RABGAP1L: variants seen among roughly 807,000 people sequenced by gnomAD.
RABGAP1L encodes the protein rab GTPase-activating protein 1-like.
A neutral mutation model predicts 137.7 loss-of-function variants in RABGAP1L; 63 were observed. The ratio of observed to expected loss-of-function variants is 0.46; its 90% confidence interval spans 0.37 to 0.56. The LOEUF (loss-of-function observed/expected upper bound fraction) is 0.56, where lower values mean the gene tolerates loss of function less well. RABGAP1L is among the 20% of genes least tolerant of loss of function. The pLI, the probability that RABGAP1L is intolerant of heterozygous loss-of-function variation, is 0.00. For missense variants in RABGAP1L, 1,095 were observed against 1,244.0 expected (o/e 0.88, Z 1.80); for synonymous variants, 431 against 433.7 (o/e 0.99, Z 0.08).
intron 13 of RABGAP1L, among the ~76,000 whole-genome samples, chr1:174,442,280 T>C (rs1166045712): frequency 2.6e-5 from 4 of 152,100 alleles, no homozygotes; most frequent in African/African-American, 9.7e-5. Flanking sequence ...TTTAATACTA[T>C]TATCTCTGAA....
chr1:174,695,831 A>T (rs949269059), intron 15 of RABGAP1L, among the ~76,000 whole-genome samples: 1 of 152,262 alleles, frequency 6.6e-6, no homozygotes. Flanking sequence ...GGATGCCCCA[A>T]GCCAAATAAT....
At chr1:174,805,454 T>C (rs973223132) in intron 18 of RABGAP1L, among the ~76,000 whole-genome samples, 4 of 152,182 alleles carry the variant, frequency 2.6e-5, no homozygotes, top group Non-Finnish European at 5.9e-5. Flanking sequence ...CAAAAGACGG[T>C]TGTGTAGTAG....
At chr1:174,317,215 G>GT (rs1203761349) in intron 11 of RABGAP1L, among the ~76,000 whole-genome samples, 1 of 151,930 alleles carries the variant, frequency 6.6e-6, no homozygotes, top group Non-Finnish European at 1.5e-5. Context: ...AGCAGAAGGA[G>GT]TTTTTTCCCA....
chr1:174,552,038 A>C (rs1666579341), intron 13 of RABGAP1L, among the ~76,000 whole-genome samples: 1 of 152,240 alleles, frequency 6.6e-6, no homozygotes, highest in South Asian at 2.1e-4. Context: ...GCTCCTGAAA[A>C]AGAAATCACC....
At chr1:174,799,169 T>C (rs1321206061) in intron 18 of RABGAP1L, among the ~76,000 whole-genome samples, 2 of 152,212 alleles carry the variant, frequency 1.3e-5, no homozygotes, top group Admixed American at 1.3e-4. Context: ...GTGTTAGGTT[T>C]TTATTATTTA....
At chr1:174,680,841 C>T (rs1294566415) in intron 14 of RABGAP1L, among the ~76,000 whole-genome samples, 10 of 152,000 alleles carry the variant, frequency 6.6e-5, no homozygotes, top group Non-Finnish European at 1.5e-4. Flanking sequence ...CTGTAGTGAT[C>T]ATGCCACCGC....
chr1:174,303,924 T>C (rs1677958941), intron 10 of RABGAP1L, among the ~76,000 whole-genome samples: 1 of 152,198 alleles, frequency 6.6e-6, no homozygotes, highest in Admixed American at 6.5e-5. Context: ...CTTGCCGTAA[T>C]GCACTGGACA....
chr1:174,851,040 G>T (rs1648229708), intron 19 of RABGAP1L, among the ~76,000 whole-genome samples: 1 of 152,162 alleles, frequency 6.6e-6, no homozygotes, highest in African/African-American at 2.4e-5. Context: ...GTTGAGAGTG[G>T]ATTCTTCCCC....
intron 13 of RABGAP1L, among the ~76,000 whole-genome samples, chr1:174,470,808 TTTAG>T (rs1657832147): frequency 6.6e-6 from 1 of 152,034 alleles, no homozygotes; most frequent in Admixed American, 6.6e-5. Context: ...AAATACAGTG[TTTAG>T]TTAGAGAACA....
chr1:174,814,294 T>A (rs1690160005), intron 19 of RABGAP1L, among the ~76,000 whole-genome samples: 1 of 152,210 alleles, frequency 6.6e-6, no homozygotes, highest in Non-Finnish European at 1.5e-5. Flanking sequence ...TAATTTAAAA[T>A]TTTTAATAAT....
chr1:174,958,626 C>G (rs1248302676), intron 20 of RABGAP1L, among the ~76,000 whole-genome samples: 1 of 152,132 alleles, frequency 6.6e-6, no homozygotes, highest in Non-Finnish European at 1.5e-5. Flanking sequence ...GTGGTCAGAG[C>G]TGGACATAGG....
intron 1 of RABGAP1L, among the ~76,000 whole-genome samples, chr1:174,182,501 G>T (rs1666459351): frequency 6.6e-6 from 1 of 152,206 alleles, no homozygotes; most frequent in Non-Finnish European, 1.5e-5. Context: ...TTAAACACTG[G>T]ATCTCAGGGG....
At chr1:174,655,536 G>C (rs1278035488) in intron 14 of RABGAP1L, among the ~76,000 whole-genome samples, 2 of 151,966 alleles carry the variant, frequency 1.3e-5, no homozygotes, top group Admixed American at 6.6e-5. Context: ...TCCCATTATT[G>C]GTGATGATTA....
chr1:174,272,604 A>G, intron 8 of RABGAP1L, 124 bp downstream of exon 8: 2 of 1,241,650 alleles, frequency 1.6e-6, no homozygotes, highest in Non-Finnish European at 2.1e-6. Context: ...TGTGATAGTA[A>G]TAATTAAATT....
chr1:174,533,797 A>G (rs1032336710), intron 13 of RABGAP1L, among the ~76,000 whole-genome samples: 1 of 151,984 alleles, frequency 6.6e-6, no homozygotes, highest in African/African-American at 2.4e-5. Flanking sequence ...CAGCCTCCCA[A>G]GTAGCTGGGA....
intron 1 of RABGAP1L, among the ~76,000 whole-genome samples, chr1:174,184,039 GT>G (rs562802626): frequency 6.0e-5 from 9 of 150,038 alleles, no homozygotes; most frequent in Admixed American, 1.3e-4. Context: ...CTAATTTTTT[GT>G]TTTTTTTTAG....
At chr1:174,793,086 T>C (rs1185419458) in intron 18 of RABGAP1L, among the ~76,000 whole-genome samples, 1 of 151,658 alleles carries the variant, frequency 6.6e-6, no homozygotes, top group Non-Finnish European at 1.5e-5. Context: ...GAGCCAAGAT[T>C]ATGCCACTGC....
At chr1:174,228,255 G>T (rs1450945670) in intron 3 of RABGAP1L, among the ~76,000 whole-genome samples, 1 of 151,802 alleles carries the variant, frequency 6.6e-6, no homozygotes, top group African/African-American at 2.4e-5. Flanking sequence ...CATGAATCTT[G>T]GGTTACACAG....
chr1:174,518,268 G>A (rs558882648), intron 13 of RABGAP1L, among the ~76,000 whole-genome samples: 8 of 152,210 alleles, frequency 5.3e-5, no homozygotes, highest in South Asian at 2.1e-4. Context: ...TGAACTATCC[G>A]TATAAAGCCT....
Sources: allele counts gnomAD v4.1 joint callset (sites outside exome capture counted in the v4.1 genomes callset), GRCh38; gene constraint gnomAD v4.1.1; transcripts MANE v1.5; gene names NCBI Gene and HGNC (gene_info 2026-07-23, HGNC 2026-07-21).